The following CNST variants were observed in gnomAD, a reference collection of about 807,000 sequenced individuals.
CNST encodes consortin.
Under a neutral mutation model 72.4 loss-of-function variants are expected in CNST, and 39 were observed. The ratio of observed to expected loss-of-function variants is 0.54; its 90% CI spans 0.42 to 0.70. CNST has a LOEUF of 0.70. CNST is among the 30% of genes least tolerant of loss of function. The pLI, the probability that CNST is intolerant of heterozygous loss-of-function variation, is 0.00. For synonymous variants in CNST, 332 were observed against 320.1 expected (o/e 1.04, Z -0.40); for missense variants, 871 against 868.5 (o/e 1.00, Z -0.04).
intron 4 of CNST, 83 bp from the exon 5 acceptor site, chr1:246,633,841 C>A: frequency 1.2e-6 from 1 of 843,668 alleles, no homozygotes; most frequent in Non-Finnish European, 1.9e-6. Context: ...GCAAATTTCT[C>A]AACATCTATA....
intron 1 of CNST, among the ~76,000 whole-genome samples, chr1:246,585,583 T>C (rs1289727659): frequency 6.8e-6 from 1 of 146,904 alleles, no homozygotes; most frequent in African/African-American, 2.5e-5. Context: ...GAGGCAGAGG[T>C]TGCAGTGAGC....
intron 8 of CNST, among the ~76,000 whole-genome samples, chr1:246,646,492 GT>G (rs1174160154): frequency 1.3e-4 from 19 of 151,640 alleles, no homozygotes; most frequent in Admixed American, 9.2e-4. Flanking sequence ...TTGTTTGTTT[GT>G]TTTTGAGATG....
At chr1:246,582,600 CAGAT>C (rs1660871250) in intron 1 of CNST, among the ~76,000 whole-genome samples, 1 of 152,192 alleles carries the variant, frequency 6.6e-6, no homozygotes, top group South Asian at 2.1e-4. Context: ...TCTTTCACAA[CAGAT>C]AGTCTGAAAA....
At chr1:246,587,771 G>A (rs1195310978) in intron 1 of CNST, among the ~76,000 whole-genome samples, 2 of 152,146 alleles carry the variant, frequency 1.3e-5, no homozygotes, top group African/African-American at 4.8e-5. Context: ...GAACTCAAAA[G>A]CCCTGTAAAT....
chr1:246,595,516 T>C (rs1661819014), intron 2 of CNST, among the ~76,000 whole-genome samples: 1 of 152,220 alleles, frequency 6.6e-6, no homozygotes, highest in Admixed American at 6.5e-5. Context: ...GCAAAGAGTT[T>C]ATGCATAGGA....
intron 2 of CNST, among the ~76,000 whole-genome samples, chr1:246,616,317 G>A (rs1333947423): frequency 6.6e-6 from 1 of 152,136 alleles, no homozygotes; most frequent in Non-Finnish European, 1.5e-5. Flanking sequence ...GGGAGGCCAA[G>A]ATGGGAGGAC....
Position 246,631,923 on chromosome 1 carries a change from C to G in CNST, c.615C>G (p.Asp205Glu), listed in dbSNP as rs1315585580. The G allele has an allele frequency of 3.9e-6, 6 of 1,537,576 alleles. No homozygotes were observed. Among genetic ancestry groups the G allele is most frequent in the Non-Finnish European group, 5.3e-6 (6 of 1,128,034 alleles). ...QIAESYFQEE[D>E]YEKAMKFIQL... is the part of the protein sequence containing the mutation. ...CAGAATCCTATTTCCAGGAGGAGGA[C>G]TGTATCCTTTTCTTAATTACAGGAA... Residue 205 changes from aspartate (D) to glutamate (E), a missense_variant and splice_region_variant, in exon 4 of 11, where the codon GAC becomes GAG. Coordinates refer to ENST00000366513, the MANE Select transcript of CNST (RefSeq NM_152609.3).
intron 2 of CNST, among the ~76,000 whole-genome samples, chr1:246,601,611 A>G (rs1383563510): frequency 3.9e-5 from 6 of 152,006 alleles, no homozygotes; most frequent in African/African-American, 1.5e-4. Flanking sequence ...CCTGACCAAC[A>G]TGGAGAAACC....
At chr1:246,595,451 A>G (rs1308176701) in intron 2 of CNST, among the ~76,000 whole-genome samples, 1 of 152,184 alleles carries the variant, frequency 6.6e-6, no homozygotes, top group Admixed American at 6.5e-5. Flanking sequence ...GAGTACTGCA[A>G]AAGCCCCCTA....
At chr1:246,658,774 T>C (rs1045021726) in intron 9 of CNST, among the ~76,000 whole-genome samples, 5 of 152,172 alleles carry the variant, frequency 3.3e-5, no homozygotes, top group African/African-American at 1.2e-4. Flanking sequence ...ACATCTTCGG[T>C]GTTAGGCCCA....
At chr1:246,566,688 AGGGGACCCGCC>A (rs1659704816) in intron 1 of CNST, 25 bp downstream of exon 1, 1 of 400,010 alleles carries the variant, frequency 2.5e-6, no homozygotes, top group Admixed American at 4.3e-5. Context: ...AGCGGGATGC[AGGGGACCCGCC>A]GGCTCGCGGC....
chr1:246,640,367 A>G (rs1665607343), intron 6 of CNST, among the ~76,000 whole-genome samples: 1 of 152,224 alleles, frequency 6.6e-6, no homozygotes, highest in South Asian at 2.1e-4. Context: ...AATAGAATAC[A>G]GTATCTAACC....
At chr1:246,665,543 T>C (rs1409101493) in intron 10 of CNST, among the ~76,000 whole-genome samples, 157 bp from the exon 11 acceptor site, 2 of 152,258 alleles carry the variant, frequency 1.3e-5, no homozygotes, top group Admixed American at 6.5e-5. Flanking sequence ...GGTAGGTCTT[T>C]GTAGAGTCAT....
chr1:246,580,486 C>T (rs1204554645), intron 1 of CNST, among the ~76,000 whole-genome samples: 1 of 152,028 alleles, frequency 6.6e-6, no homozygotes, highest in African/African-American at 2.4e-5. Context: ...TATGAAATTG[C>T]ACTTCTCTGA....
intron 8 of CNST, among the ~76,000 whole-genome samples, chr1:246,645,299 A>G (rs374329035): frequency 6.7e-6 from 1 of 148,714 alleles, no homozygotes; most frequent in Non-Finnish European, 1.5e-5. Context: ...TGAAAAAGAA[A>G]GAAAAAAAAA....
chr1:246,611,141 A>G (rs1391301456), intron 2 of CNST, among the ~76,000 whole-genome samples: 2 of 152,184 alleles, frequency 1.3e-5, no homozygotes, highest in Non-Finnish European at 2.9e-5. Flanking sequence ...TTCAAAAGCA[A>G]GTACTGGGGT....
chr1:246,588,067 T>C (rs981012077), intron 1 of CNST, among the ~76,000 whole-genome samples: 3 of 152,198 alleles, frequency 2.0e-5, no homozygotes, highest in African/African-American at 4.8e-5. Context: ...GCCTACCTTA[T>C]AGCATAAATT....
At chr1:246,634,289 T>G in intron 5 of CNST, 184 bp from the exon 6 acceptor site, 1 of 563,706 alleles carries the variant, frequency 1.8e-6, no homozygotes, top group Non-Finnish European at 3.1e-6. Flanking sequence ...GCTAATTTAG[T>G]CTCTAGGATG....
chr1:246,617,293 AC>A (rs796974937), intron 2 of CNST, among the ~76,000 whole-genome samples: 1 of 152,338 alleles, frequency 6.6e-6, no homozygotes, highest in African/African-American at 2.4e-5. Context: ...GTGAATAATA[AC>A]CTAAGCAATT....
Sources: gnomAD v4.1 joint callset for allele counts (sites outside exome capture counted in the v4.1 genomes callset) on GRCh38, gnomAD v4.1.1 for gene constraint, MANE v1.5 for transcripts, NCBI Gene and HGNC (gene_info 2026-07-23, HGNC 2026-07-21) for gene names.